Variants in PROZ observed in about 807,000 individuals in gnomAD.
PROZ encodes the protein protein Z, vitamin K dependent plasma glycoprotein, also known as vitamin K-dependent protein Z.
A neutral mutation model predicts 34.9 loss-of-function variants in PROZ; 46 were observed. The observed-to-expected ratio is 1.32, with a 90% CI of 1.04 to 1.69. PROZ has a LOEUF of 1.69. Ranked by LOEUF, PROZ falls within the 40% of genes most tolerant of loss-of-function variation. The pLI is 0.00. For synonymous variants in PROZ, 195 were observed against 208.5 expected (o/e 0.94, Z 0.56); for missense variants, 530 against 520.4 (o/e 1.02, Z -0.18).
In PROZ at chr13:113,164,534, A is replaced by G. The variant is rs765685251; in HGVS notation, c.395A>G (p.Glu132Gly). The G allele has an allele frequency of 6.2e-7, 1 of 1,613,016 alleles. No individual in the cohort carries two copies. ...CELAKNECHP[E>G]RTDGCQHFCL... ...TCAGCTAAAAATGAATGTCACCCAGAGCGGACTGATGGGTGTCAACACTTC... is the reference window on the plus strand; with the variant it reads ...TCAGCTAAAAATGAATGTCACCCAGGGCGGACTGATGGGTGTCAACACTTC... The change falls in exon 5 of 8, where the codon GAG (glutamate) becomes GGG (glycine). Residue 132 changes from glutamate to glycine, a missense_variant. By Grantham distance (98) the Glu-to-Gly change is moderately conservative (BLOSUM62 -2). Transcript: ENST00000375547.
intron 6 of PROZ, 109 bp downstream of exon 6, chr13:113,165,229 T>C (rs1044361299): frequency 3.3e-5 from 39 of 1,173,760 alleles, no homozygotes; most frequent in Middle Eastern, 2.3e-4. Context: ...ATCCTGACTT[T>C]GATGGGCTAC....
Position 113,164,917 on chromosome 13 carries a change from T to A in PROZ, c.506-136T>A, listed in dbSNP as rs1595114976. On this transcript the variant is annotated intron_variant, in intron 5 of 7. Coordinates refer to ENST00000375547, the MANE Select transcript of PROZ (RefSeq NM_003891.3). ...CTGTGTGTCTGTGAATTACTGCACA[T>A]TCATCAGCATTAAGGATAAGATTAT... The A allele has an allele frequency of 7.1e-6, 7 of 979,842 alleles. No homozygotes were observed. In the East Asian group the frequency reaches 1.6e-4, roughly 22 times the overall value. The allele number at this position is 979,842 out of a possible 1,614,324, so 60.7% of individuals were successfully genotyped here. A position where few individuals can be genotyped will look rare whatever the true frequency, so the allele number is the denominator to read the frequency against.
chr13:113,164,181 T>G (rs2036845616), intron 4 of PROZ, among the ~76,000 whole-genome samples: 1 of 152,088 alleles, frequency 6.6e-6, no homozygotes, highest in Non-Finnish European at 1.5e-5. Flanking sequence ...GGTTTCACCA[T>G]GTTGGCCAGG....
In PROZ at chr13:113,160,089, T is replaced by C. The variant is rs1375962250; in HGVS notation, c.146T>C (p.Leu49Pro). The C allele has an allele frequency of 6.2e-7, 1 of 1,614,040 alleles. No individual in the cohort carries two copies. Among genetic ancestry groups the C allele is most frequent in the Non-Finnish European group, 8.5e-7 (1 of 1,180,036 alleles). Reference protein sequence around the residue: ...KRAGSYLLEELFEGNLEKECY... With the variant: ...KRAGSYLLEEPFEGNLEKECY... ...GCGGGCTCCTATCTTCTGGAAGAAC[T>C]CTTCGAGGGAAACTTGGAAAAAGAA... The change falls in exon 2 of 8, where the codon CTC becomes CCC. Residue 49 changes from leucine (L) to proline (P), a missense_variant. Coordinates refer to ENST00000375547, the MANE Select transcript of PROZ (RefSeq NM_003891.3).
intron 4 of PROZ, among the ~76,000 whole-genome samples, chr13:113,163,561 T>C (rs1170403969): frequency 6.6e-6 from 1 of 152,184 alleles, no homozygotes; most frequent in Non-Finnish European, 1.5e-5. Flanking sequence ...GCAACAAGCG[T>C]GCTCCGCTCT....
Position 113,165,183 on chromosome 13 carries a change from C to T in PROZ, c.573+63C>T, listed in dbSNP as rs1328407993. On this transcript the variant is annotated intron_variant, in intron 6 of 7. Coordinates refer to ENST00000375547, the MANE Select transcript of PROZ (RefSeq NM_003891.3). ...ATGACTTTCACCTCACTTGTCATTTCCTAAATAGAAATGTTGACAACTAAG... is the reference window on the plus strand; with the variant it reads ...ATGACTTTCACCTCACTTGTCATTTTCTAAATAGAAATGTTGACAACTAAG... 3.3e-6 allele frequency: 5 copies of T among 1,518,798 alleles called. No individual in the cohort carries two copies. The African/African-American group carries it at 5.5e-5, about 17-fold the overall frequency. 94.1% of individuals were successfully genotyped at this position (1,518,798 alleles called of 1,614,324 possible). A position where few individuals can be genotyped will look rare whatever the true frequency, so the allele number is the denominator to read the frequency against.
At chr13:113,168,753 G>A (rs999302660) in intron 6 of PROZ, among the ~76,000 whole-genome samples, 7 of 151,898 alleles carry the variant, frequency 4.6e-5, no homozygotes, top group Admixed American at 6.6e-5. Context: ...TTTTGAGACC[G>A]GGTCTCGCCC....
intron 4 of PROZ, 119 bp downstream of exon 4, chr13:113,163,241 C>T: frequency 1.1e-6 from 1 of 875,160 alleles, no homozygotes; most frequent in Non-Finnish European, 1.8e-6. Context: ...CCTGTGTGAA[C>T]CGCGATTTGG....
intron 6 of PROZ, 28 bp downstream of exon 6, chr13:113,165,148 A>G (rs1257127090): frequency 1.9e-6 from 3 of 1,589,880 alleles, no homozygotes; most frequent in East Asian, 2.2e-5. Context: ...GCGTGCTTCA[A>G]TTTATTGTTA....
Position 113,165,053 on chromosome 13 carries a change from A to G in PROZ, c.506A>G (p.Asp169Gly). The G allele has an allele frequency of 6.2e-7, 1 of 1,613,466 alleles. No individual in the cohort carries two copies. Among genetic ancestry groups the G allele is most frequent in the South Asian group, 1.1e-5 (1 of 91,078 alleles). The change falls in exon 6 of 8, where the codon GAC (aspartate) becomes GGC (glycine). Residue 169 changes from aspartate to glycine, a missense_variant and splice_region_variant. Physicochemically the swap from Asp to Gly is moderately conservative, Grantham distance 94. Coordinates refer to ENST00000375547, the MANE Select transcript of PROZ (RefSeq NM_003891.3). ...TCTCATGTTGCTGCCGCAAATGCAG[A>G]CCAGTGTGCCTGCGGGGTGCTGACC... The part of the protein sequence containing the change: ...GEDHKQCVPH[D>G]QCACGVLTSE...
At chr13:113,170,603 A>G (rs1399922769) in intron 7 of PROZ, 73 bp downstream of exon 7, 2 of 952,458 alleles carry the variant, frequency 2.1e-6, no homozygotes, top group East Asian at 2.4e-5. Context: ...TGAAATGACA[A>G]ATTTAAAACT....
chr13:113,164,257 C>T (rs762741862), intron 4 of PROZ, among the ~76,000 whole-genome samples: 3 of 152,098 alleles, frequency 2.0e-5, no homozygotes, highest in South Asian at 2.1e-4. Context: ...GGATTACAGG[C>T]ATGAGCCACC....
chr13:113,163,306 C>CG lies in PROZ; in HGVS notation c.373+189dup, dbSNP rs112728477. On this transcript the variant is annotated intron_variant, in intron 4 of 7. Transcript: ENST00000375547. ...CCAGATTCTCCTCCAGAAACCACGC[C>CG]GGGGGCTGGCTGCATTCTGAGCTGC... 8.6e-3 allele frequency among the ~76,000 whole-genome samples: 1,309 copies of CG among 152,238 alleles called. 25 individuals are homozygous for CG. Among genetic ancestry groups the CG allele is most frequent in the African/African-American group, 0.029 (1,224 of 41,530 alleles).
intron 6 of PROZ, among the ~76,000 whole-genome samples, chr13:113,168,670 TG>T (rs2037019356): frequency 6.6e-6 from 1 of 152,250 alleles, no homozygotes; most frequent in South Asian, 2.1e-4. Context: ...ACATAGGGTT[TG>T]TTGAGATTCT....
Position 113,172,359 on chromosome 13 carries a change from AATAAG to A in PROZ, c.*259_*263del, listed in dbSNP as rs1180551471. The A allele has an allele frequency of 3.8e-6, 2 of 523,094 alleles. No homozygotes were observed. Among genetic ancestry groups the A allele is most frequent in the African/African-American group, 3.8e-5 (2 of 52,218 alleles). 32.4% of individuals were successfully genotyped at this position (523,094 alleles called of 1,614,324 possible). A position where few individuals can be genotyped will look rare whatever the true frequency, so the allele number is the denominator to read the frequency against. Reference sequence around the variant, plus strand: ...AAACATGAGATACGTTAAATAATAAAATAAGATAATCTGTCAGTCATAAAGCAGCC... The same window carrying A: ...AAACATGAGATACGTTAAATAATAAAATAATCTGTCAGTCATAAAGCAGCC... On this transcript the variant is annotated 3_prime_UTR_variant, in exon 8 of 8. Transcript: ENST00000375547.
intron 6 of PROZ, 97 bp from the exon 7 acceptor site, chr13:113,170,316 G>A (rs972597825): frequency 4.0e-6 from 3 of 746,750 alleles, no homozygotes; most frequent in East Asian, 5.0e-5. Flanking sequence ...TGGGGGTGGG[G>A]GTGGGGGGGT....
intron 3 of PROZ, among the ~76,000 whole-genome samples, chr13:113,161,613 C>T (rs971580677): frequency 5.3e-5 from 8 of 152,236 alleles, no homozygotes; most frequent in Admixed American, 2.0e-4. Flanking sequence ...GAGGGGACCG[C>T]GTGCGGACGA....
chr13:113,170,428 T>C lies in PROZ; in HGVS notation c.589T>C (p.Ser197Pro), dbSNP rs138885452. 2.5e-6 allele frequency: 4 copies of C among 1,600,900 alleles called. No individual in the cohort carries two copies. The highest frequency in any genetic ancestry group is 3.4e-6 in the Non-Finnish European group (4 of 1,168,022). ...DLPWQVKLTN[S>P]EGKDFCGGVI... ...ATTTTTAAAGGTAAAGTTAACAAAT[T>C]CCGAAGGAAAAGACTTCTGTGGTGG... The change falls in exon 7 of 8, where the codon TCC becomes CCC. Residue 197 changes from serine to proline, a missense_variant. By Grantham distance (74) the Ser-to-Pro change is moderately conservative. Transcript: ENST00000375547.
At position 113,171,997 on chromosome 13, in the gene PROZ, G is replaced by A; in HGVS notation, c.1095G>A (p.Trp365Ter). The change falls in exon 8 of 8, where the codon TGG becomes TGA. Residue 365 changes from tryptophan to a stop codon, truncating the protein, a stop_gained. Coordinates refer to ENST00000375547, the MANE Select transcript of PROZ (RefSeq NM_003891.3). LOFTEE classifies it low-confidence loss of function (END_TRUNC). This position sits in a 1 kb window ranked among gnomAD's most constrained non-coding sequence, Gnocchi z 5.1. ...TCACCAGAGAACACAGAGGCTCCTGGTTTCTCACGGGGGTCCTGGGCTCGC... is the reference window on the plus strand; with the variant it reads ...TCACCAGAGAACACAGAGGCTCCTGATTTCTCACGGGGGTCCTGGGCTCGC... ...SVVTREHRGS[W>*]FLTGVLGSQP... 6.2e-7 allele frequency: 1 copy of A among 1,613,280 alleles called. No homozygotes were observed. Among genetic ancestry groups the A allele is most frequent in the Non-Finnish European group, 8.5e-7 (1 of 1,180,032 alleles).
Sources: gnomAD v4.1 joint callset for allele counts (sites outside exome capture counted in the v4.1 genomes callset) on GRCh38, gnomAD v4.1.1 for gene constraint, Gnocchi (gnomAD v3.1) non-coding constraint, MANE v1.5 for transcripts, NCBI Gene and HGNC (gene_info 2026-07-23, HGNC 2026-07-21) for gene names.